The following NBAS variants were observed in gnomAD, a reference collection of about 807,000 sequenced individuals.
NBAS encodes the protein NAG/BC035112 fusion.
A neutral mutation model predicts 302.5 loss-of-function variants in NBAS; 219 were observed. That is an observed-to-expected ratio of 0.72 (90% CI 0.65 to 0.81). The LOEUF is 0.81. Among genes scored for constraint, NBAS ranks in the 30% least tolerant of loss-of-function variants. The pLI is 0.00. For missense variants in NBAS, 2,932 were observed against 2,841.6 expected, an observed-to-expected ratio of 1.03 and a Z score of -0.72; for synonymous variants, 1,118 against 1,021.6, an observed-to-expected ratio of 1.09 and a Z score of -1.80.
chr2:14,928,962 G>C, the NBAS span, among the ~76,000 whole-genome samples: 4 of 152,136 alleles, frequency 2.6e-5, no homozygotes, highest in African/African-American at 4.8e-5. Flanking sequence ...CTTGAATTGA[G>C]CCATCTTTTC....
chr2:15,406,404 C>A (rs1351618041), intron 25 of NBAS, among the ~76,000 whole-genome samples: 1 of 151,948 alleles, frequency 6.6e-6, no homozygotes, highest in African/African-American at 2.4e-5. Context: ...TCTCACAATA[C>A]AAAAGAATAA....
chr2:15,155,359 A>C, the NBAS span, among the ~76,000 whole-genome samples: 1 of 152,160 alleles, frequency 6.6e-6, no homozygotes, highest in East Asian at 1.9e-4. Context: ...TTTTTTCAAG[A>C]GAGTGGAGAC....
the NBAS span, among the ~76,000 whole-genome samples, chr2:15,070,953 G>A: frequency 1.3e-5 from 2 of 152,124 alleles, no homozygotes; most frequent in African/African-American, 2.4e-5. Flanking sequence ...TCTTCATTTT[G>A]CTGGTGGAGA....
chr2:15,220,127 G>T (rs1206559391), intron 47 of NBAS, among the ~76,000 whole-genome samples: 2 of 149,116 alleles, frequency 1.3e-5, no homozygotes, highest in African/African-American at 2.5e-5. Context: ...GCCGGGCGGG[G>T]GGCTGACCCC....
At chr2:15,237,739 G>A (rs1039463361) in intron 45 of NBAS, among the ~76,000 whole-genome samples, 8 of 148,828 alleles carry the variant, frequency 5.4e-5, no homozygotes, top group Non-Finnish European at 1.2e-4. Context: ...GGGATTACAG[G>A]TGTTGTGCCA....
chr2:15,091,495 C>T, the NBAS span, among the ~76,000 whole-genome samples: 17 of 151,516 alleles, frequency 1.1e-4, no homozygotes, highest in Non-Finnish European at 2.5e-4. Context: ...GCTTGCTTTG[C>T]TTTGTTGTTT....
chr2:15,294,484 T>A (rs1558510567), intron 40 of NBAS, among the ~76,000 whole-genome samples: 1 of 152,150 alleles, frequency 6.6e-6, no homozygotes, highest in Non-Finnish European at 1.5e-5. Flanking sequence ...TCTTAGTGCA[T>A]CTATGGCTGA....
chr2:15,474,549 T>TTCTTC lies in NBAS; in HGVS notation c.1342-226_1342-225insGAAGA, dbSNP rs1558372889. The stretch of plus-strand genomic sequence containing the variant: ...TCAAATCTAAACTAAAGCCTGTTTT[T>TTCTTC]TTCTTCTTCTTCTTCTTCTTCTTCT... On this transcript the variant is annotated intron_variant, in intron 14 of 51. Transcript: ENST00000281513. Among the ~76,000 whole-genome samples, 730 of 147,846 alleles carry TTCTTC rather than the reference T, an allele frequency of 4.9e-3. 8 individuals are homozygous for TTCTTC. Among genetic ancestry groups the TTCTTC allele is most frequent in the African/African-American group, 0.017 (672 of 40,156 alleles).
intron 26 of NBAS, chr2:15,397,460 G>A: frequency 2.0e-6 from 1 of 489,130 alleles, no homozygotes; most frequent in South Asian, 2.2e-5. Flanking sequence ...TGGGGGTTGT[G>A]GGGCAGCACC....
At chr2:14,782,244 T>C in the NBAS span, among the ~76,000 whole-genome samples, 657 of 152,222 alleles carry the variant, frequency 4.3e-3, 8 homozygotes, top group African/African-American at 0.015. Flanking sequence ...AAGCATTCAT[T>C]AATTAGAACT....
chr2:15,207,689 T>C (rs1230484472), intron 48 of NBAS, among the ~76,000 whole-genome samples: 9 of 152,184 alleles, frequency 5.9e-5, no homozygotes, highest in Admixed American at 5.9e-4. Context: ...TCTGGTTGTT[T>C]GATAAGTGTC....
At chr2:15,043,566 C>T in the NBAS span, among the ~76,000 whole-genome samples, 3 of 152,134 alleles carry the variant, frequency 2.0e-5, no homozygotes, top group Non-Finnish European at 4.4e-5. Flanking sequence ...TTTCCTAAAC[C>T]TCAGTAATTT....
chr2:15,473,912 T>G (rs1044955024), intron 15 of NBAS, among the ~76,000 whole-genome samples, 155 bp downstream of exon 15: 7 of 152,240 alleles, frequency 4.6e-5, no homozygotes, highest in Non-Finnish European at 8.8e-5. Context: ...AAGATTAGCA[T>G]TATTTTAAAA....
the NBAS span, among the ~76,000 whole-genome samples, chr2:14,869,355 G>A: frequency 6.6e-6 from 1 of 152,252 alleles, no homozygotes; most frequent in Non-Finnish European, 1.5e-5. Flanking sequence ...CCTCTTTTGG[G>A]TAATTCTGGA....
chr2:14,922,263 C>T, the NBAS span, among the ~76,000 whole-genome samples: 422 of 152,214 alleles, frequency 2.8e-3, 2 homozygotes, highest in Admixed American at 7.2e-3. Context: ...GTAAGATAAG[C>T]AGGTAGGGCT....
chr2:14,996,219 A>G, the NBAS span, among the ~76,000 whole-genome samples: 1 of 152,248 alleles, frequency 6.6e-6, no homozygotes, highest in African/African-American at 2.4e-5. Context: ...TAATAAGGAC[A>G]GTAGCCACTA....
chr2:14,875,595 G>A, the NBAS span, among the ~76,000 whole-genome samples: 1 of 152,116 alleles, frequency 6.6e-6, no homozygotes, highest in East Asian at 1.9e-4. Context: ...CAGTCTGGGT[G>A]ACAGAGTGAG....
chr2:14,784,982 T>C, the NBAS span, among the ~76,000 whole-genome samples: 1 of 152,236 alleles, frequency 6.6e-6, no homozygotes, highest in Non-Finnish European at 1.5e-5. Flanking sequence ...CTTTGTATCC[T>C]CTTTTATTTC....
At chr2:15,452,048 T>C (rs1369793169) in intron 21 of NBAS, among the ~76,000 whole-genome samples, 4 of 151,382 alleles carry the variant, frequency 2.6e-5, no homozygotes, top group Non-Finnish European at 5.9e-5. Flanking sequence ...TCCACTTACA[T>C]GCCATACCTA....
Sources: allele counts gnomAD v4.1 joint callset (sites outside exome capture counted in the v4.1 genomes callset), GRCh38; gene constraint gnomAD v4.1.1; transcripts MANE v1.5; gene names NCBI Gene and HGNC (gene_info 2026-07-23, HGNC 2026-07-21).